The following HACL2 variants were observed in gnomAD, a reference collection of about 807,000 sequenced individuals.
HACL2 encodes 2-hydroxyacyl-CoA lyase 2.
the HACL2 span, chr19:15,122,799 C>T: frequency 6.2e-7 from 1 of 1,614,148 alleles, no homozygotes; most frequent in East Asian, 2.2e-5. This position sits in a 1 kb window ranked among gnomAD's most constrained non-coding sequence, Gnocchi z 4.0. Flanking sequence ...TCCACAAACA[C>T]CGGACCTGCA....
chr19:15,116,275 C>G, the HACL2 span: 3 of 1,613,936 alleles, frequency 1.9e-6, no homozygotes, highest in African/African-American at 4.0e-5. Flanking sequence ...AGCTGCAGCA[C>G]CTGCACTGGG....
the HACL2 span, chr19:15,119,061 G>GTAC: frequency 7.7e-7 from 1 of 1,297,918 alleles, no homozygotes; most frequent in African/African-American, 1.5e-5. Context: ...TGTGTATCAA[G>GTAC]TACAATAGGT....
chr19:15,123,342 A>G, the HACL2 span: 1 of 1,608,160 alleles, frequency 6.2e-7, no homozygotes, highest in African/African-American at 1.3e-5. This position sits in a 1 kb window ranked among gnomAD's most constrained non-coding sequence, Gnocchi z 5.1. Flanking sequence ...CCACAGTCCA[A>G]CCAGTCCCCA....
chr19:15,116,702 A>G, the HACL2 span: 1 of 591,402 alleles, frequency 1.7e-6, no homozygotes, highest in Non-Finnish European at 3.0e-6. Context: ...GAACCAGGGG[A>G]GGGCAGCCCA....
chr19:15,121,650 A>T, the HACL2 span, among the ~76,000 whole-genome samples: 99 of 151,672 alleles, frequency 6.5e-4, 1 homozygote, highest in Admixed American at 1.5e-3. Context: ...CTCTACTAAA[A>T]ATACAAGTAT....
the HACL2 span, chr19:15,123,518 T>G: frequency 6.2e-7 from 1 of 1,613,950 alleles, no homozygotes; most frequent in Non-Finnish European, 8.5e-7. The surrounding 1 kb of genome is among the most constrained non-coding windows in gnomAD (Gnocchi z 5.1). Flanking sequence ...CCGCACACCA[T>G]GGGCCCTCAG....
At chr19:15,115,565 C>T in the HACL2 span, 2 of 1,610,528 alleles carry the variant, frequency 1.2e-6, no homozygotes, top group Non-Finnish European at 1.7e-6. Flanking sequence ...GGCCCCCTCA[C>T]CAGTGTAGGC....
the HACL2 span, chr19:15,115,494 A>G: frequency 6.2e-7 from 1 of 1,602,896 alleles, no homozygotes; most frequent in Non-Finnish European, 8.5e-7. Flanking sequence ...CAGCCAGCCC[A>G]GGAGAGGAAC....
the HACL2 span, chr19:15,116,169 A>AG: frequency 6.2e-7 from 1 of 1,613,532 alleles, no homozygotes; most frequent in Non-Finnish European, 8.5e-7. Flanking sequence ...GAGCCAGCGC[A>AG]GGGGGCCGCG....
chr19:15,116,224 C>G, the HACL2 span: 1 of 1,613,922 alleles, frequency 6.2e-7, no homozygotes, highest in Non-Finnish European at 8.5e-7. Flanking sequence ...TCCCCGCCAT[C>G]CACCACCAGA....
the HACL2 span, chr19:15,116,662 A>G: frequency 4.6e-6 from 3 of 648,276 alleles, no homozygotes; most frequent in Non-Finnish European, 8.0e-6. Context: ...TCCTAGAAAA[A>G]AAACAGGTGA....
At chr19:15,125,581 G>A in the HACL2 span, 1 of 155,356 alleles carries the variant, frequency 6.4e-6, no homozygotes, top group African/African-American at 2.4e-5. Flanking sequence ...CCCGACCCCG[G>A]GCCAGGCTGG....
the HACL2 span, chr19:15,120,180 G>T: frequency 1.3e-6 from 1 of 747,778 alleles, no homozygotes; most frequent in Non-Finnish European, 2.2e-6. Context: ...AAAGCCAGGA[G>T]CAAAGTGGCA....
the HACL2 span, chr19:15,115,654 C>G: frequency 1.9e-6 from 3 of 1,613,844 alleles, no homozygotes; most frequent in Non-Finnish European, 2.5e-6. Flanking sequence ...CATTCCCTAC[C>G]AAGGCCATCA....
the HACL2 span, chr19:15,119,874 T>C: frequency 1.3e-6 from 1 of 754,674 alleles, no homozygotes; most frequent in Non-Finnish European, 2.1e-6. Context: ...TGAGTCGCCA[T>C]GAGCACCCAA....
the HACL2 span, chr19:15,115,657 G>A: frequency 6.2e-7 from 1 of 1,613,732 alleles, no homozygotes; most frequent in Non-Finnish European, 8.5e-7. Flanking sequence ...TCCCTACCAA[G>A]GCCATCACTG....
chr19:15,120,228 C>T, the HACL2 span: 18 of 546,926 alleles, frequency 3.3e-5, 1 homozygote, highest in South Asian at 8.6e-5. Context: ...CAGGGACAGA[C>T]GAACCCTAGT....
chr19:15,116,715 T>A, the HACL2 span: 1 of 583,382 alleles, frequency 1.7e-6, no homozygotes, highest in Non-Finnish European at 3.0e-6. Flanking sequence ...GCAGCCCAGG[T>A]GAAAAGGGAA....
At chr19:15,123,647 C>G in the HACL2 span, 2 of 1,428,934 alleles carry the variant, frequency 1.4e-6, no homozygotes, top group South Asian at 1.2e-5. The surrounding 1 kb of genome is among the most constrained non-coding windows in gnomAD (Gnocchi z 5.1). Flanking sequence ...AGGGGGCAAT[C>G]CCCCTGCCCC....
Sources: allele counts gnomAD v4.1 joint callset (sites outside exome capture counted in the v4.1 genomes callset), GRCh38; gene constraint gnomAD v4.1.1; non-coding constraint Gnocchi (gnomAD v3.1); transcripts MANE v1.5; gene names NCBI Gene and HGNC (gene_info 2026-07-23, HGNC 2026-07-21).